Variants in DMBT1 observed in about 807,000 individuals in gnomAD.
DMBT1 encodes deleted in malignant brain tumors 1.
Under a neutral mutation model 252.9 loss-of-function variants are expected in DMBT1, and 198 were observed. The ratio of observed to expected loss-of-function variants is 0.78; its 90% CI spans 0.70 to 0.88. DMBT1 has a LOEUF of 0.88. DMBT1 is among the 40% of genes least tolerant of loss of function. DMBT1 has a pLI of 0.00. For synonymous variants in DMBT1, 990 were observed against 942.7 expected (o/e 1.05, Z -0.92); for missense variants, 2,432 against 2,404.7 (o/e 1.01, Z -0.24).
chr10:122,617,647 C>G (rs1225194736), intron 40 of DMBT1, among the ~76,000 whole-genome samples: 4 of 151,628 alleles, frequency 2.6e-5, no homozygotes, highest in Non-Finnish European at 5.9e-5. Flanking sequence ...TGGAAATTTG[C>G]CAGAAACCAG....
chr10:122,637,031 G>A, intron 53 of DMBT1, 97 bp from the exon 54 acceptor site: 2 of 1,192,984 alleles, frequency 1.7e-6, no homozygotes, highest in South Asian at 1.4e-5. Flanking sequence ...CAGCCACCCT[G>A]GTCTGTGCAC....
At chr10:122,626,777 A>G (rs1352414048) in intron 46 of DMBT1, among the ~76,000 whole-genome samples, 1 of 152,240 alleles carries the variant, frequency 6.6e-6, no homozygotes, top group Non-Finnish European at 1.5e-5. Context: ...GTTTCCAAGG[A>G]AAAGTTCAGT....
chr10:122,640,563 C>A, intron 55 of DMBT1, 114 bp downstream of exon 55: 1 of 1,144,608 alleles, frequency 8.7e-7, no homozygotes, highest in Non-Finnish European at 1.2e-6. Flanking sequence ...CCAGTACTTC[C>A]AGCTTAACTG....
chr10:122,636,574 C>T (rs2098228879), intron 53 of DMBT1, among the ~76,000 whole-genome samples: 1 of 152,192 alleles, frequency 6.6e-6, no homozygotes, highest in African/African-American at 2.4e-5. Flanking sequence ...AGACCTAACA[C>T]ATTTGGTTTC....
intron 40 of DMBT1, 70 bp from the exon 41 acceptor site, chr10:122,617,947 G>A (rs779302970): frequency 6.3e-6 from 10 of 1,597,380 alleles, no homozygotes; most frequent in Admixed American, 1.7e-5. Context: ...AGTACCCTGA[G>A]TGTGGAACTT....
intron 2 of DMBT1, among the ~76,000 whole-genome samples, chr10:122,567,482 C>G (rs77045890): frequency 2.0e-5 from 3 of 152,254 alleles, no homozygotes; most frequent in African/African-American, 7.2e-5. Flanking sequence ...GTCCAGCTGG[C>G]CTTTCCTCCC....
chr10:122,600,898 T>C (rs1368329426), intron 27 of DMBT1, 93 bp from the exon 28 acceptor site: 5 of 647,206 alleles, frequency 7.7e-6, no homozygotes, highest in African/African-American at 1.8e-5. Context: ...AGTGGAATTG[T>C]TGCCAGGTGG....
chr10:122,598,806 A>G lies in DMBT1; in HGVS notation c.2989A>G (p.Asn997Asp), dbSNP rs537132208. The change falls in exon 26 of 56, where the codon AAT (asparagine) becomes GAT (aspartate). Residue 997 changes from asparagine (N) to aspartate (D), a missense_variant. Coordinates refer to ENST00000338354, the MANE Select transcript of DMBT1 (RefSeq NM_001377530.1). ...ATCCAGTTTGGCCCTGAGGCTGGTG[A>G]ATGGAGGTGACAGGTGTCAGGGCCG... is the stretch of plus-strand genomic sequence containing the variant. ...SESSLALRLV[N>D]GGDRCQGRVE... 1.2e-6 allele frequency: 2 copies of G among 1,613,406 alleles called. No homozygotes were observed. Among genetic ancestry groups the G allele is most frequent in the Admixed American group, 3.3e-5 (2 of 60,014 alleles).
In DMBT1 at chr10:122,563,630, C is replaced by A. The variant is rs995920182; in HGVS notation, c.62-2337C>A. Among the ~76,000 whole-genome samples, 9 of 152,038 alleles carry A rather than the reference C, an allele frequency of 5.9e-5. No homozygotes were observed. In the East Asian group the frequency reaches 1.7e-3, roughly 29 times the overall value. ...ATCATTTTCCAGAAGTGATTCTTCT[C>A]CCTTCAGGCAATTTACCACCATTCC... On this transcript the variant is annotated intron_variant, in intron 1 of 55. Transcript: ENST00000338354.
chr10:122,587,088 T>C lies in DMBT1; in HGVS notation c.1783+705T>C, dbSNP rs549012924. On this transcript the variant is annotated intron_variant, in intron 16 of 55. Transcript: ENST00000338354. ...GCACATCAAGCCTCACCTCTATACT[T>C]GGGGATCCAATCCCAACATGAGTCT... Among the ~76,000 whole-genome samples the C allele has an allele frequency of 2.8e-4, 42 of 148,394 alleles. 1 individual carries two copies. Among genetic ancestry groups the C allele is most frequent in the African/African-American group, 9.2e-4 (38 of 41,184 alleles).
intron 16 of DMBT1, among the ~76,000 whole-genome samples, chr10:122,587,531 A>ATT (rs113740261): frequency 0.011 from 1,579 of 145,068 alleles, 46 homozygotes; most frequent in African/African-American, 0.036. Context: ...CAGGCTGGAT[A>ATT]TTTTTTTTTT....
chr10:122,633,139 C>G, intron 51 of DMBT1, 52 bp from the exon 52 acceptor site: 1 of 1,596,680 alleles, frequency 6.3e-7, no homozygotes, highest in Middle Eastern at 1.7e-4. Flanking sequence ...CGCAGGTAGA[C>G]TGTGCAGTGT....
chr10:122,590,078 A>T (rs965951030), intron 17 of DMBT1, among the ~76,000 whole-genome samples: 1 of 148,480 alleles, frequency 6.7e-6, no homozygotes, highest in African/African-American at 2.4e-5. Context: ...TCCAGAACCA[A>T]AGGCTTATGC....
chr10:122,640,962 T>C (rs980289145), intron 55 of DMBT1, among the ~76,000 whole-genome samples: 26 of 152,110 alleles, frequency 1.7e-4, no homozygotes, highest in African/African-American at 6.3e-4. Context: ...GACACGCACA[T>C]TGTAAGGCTG....
intron 2 of DMBT1, among the ~76,000 whole-genome samples, chr10:122,566,481 T>A (rs1284843007): frequency 2.6e-5 from 4 of 151,872 alleles, no homozygotes; most frequent in Non-Finnish European, 4.4e-5. Context: ...CCAGCTAATT[T>A]TTGTATTTTT....
intron 54 of DMBT1, among the ~76,000 whole-genome samples, 194 bp downstream of exon 54, chr10:122,637,506 C>T (rs1371284735): frequency 2.6e-5 from 4 of 152,194 alleles, no homozygotes; most frequent in East Asian, 1.9e-4. Context: ...AAGAAGGAAG[C>T]TGAGCAGAAA....
intron 46 of DMBT1, among the ~76,000 whole-genome samples, chr10:122,627,518 C>G (rs1383823321): frequency 1.3e-5 from 2 of 152,174 alleles, no homozygotes; most frequent in Non-Finnish European, 2.9e-5. Flanking sequence ...TGATTTTCCA[C>G]TGTATAGATA....
At chr10:122,566,945 C>T (rs1409798455) in intron 2 of DMBT1, among the ~76,000 whole-genome samples, 1 of 152,202 alleles carries the variant, frequency 6.6e-6, no homozygotes, top group African/African-American at 2.4e-5. Flanking sequence ...AGATTTGAGG[C>T]TAGGATGGGT....
At chr10:122,642,686 G>T (rs988998002) in intron 55 of DMBT1, among the ~76,000 whole-genome samples, 2 of 152,140 alleles carry the variant, frequency 1.3e-5, no homozygotes, top group African/African-American at 4.8e-5. Context: ...GCAGCCGAAT[G>T]AGACCTTGCC....
Sources: allele counts gnomAD v4.1 joint callset (sites outside exome capture counted in the v4.1 genomes callset), GRCh38; gene constraint gnomAD v4.1.1; transcripts MANE v1.5; gene names NCBI Gene and HGNC (gene_info 2026-07-23, HGNC 2026-07-21).